The following TMEM26 variants were observed in gnomAD, a reference collection of about 807,000 sequenced individuals.
TMEM26 encodes the protein transmembrane protein 26.
A neutral mutation model predicts 28.8 loss-of-function variants in TMEM26; 38 were observed. That is an observed-to-expected ratio of 1.32 (90% CI 1.02 to 1.73). The LOEUF is 1.73. Among genes scored for constraint, TMEM26 ranks in the 40% most tolerant of loss-of-function variants. The pLI is 0.00. For synonymous variants in TMEM26, 227 were observed against 182.9 expected, an observed-to-expected ratio of 1.24 and a Z score of -1.95; for missense variants, 518 against 447.1, an observed-to-expected ratio of 1.16 and a Z score of -1.43.
intron 1 of TMEM26, among the ~76,000 whole-genome samples, chr10:61,445,275 TATTTCAGGTAG>T (rs2135334027): frequency 6.6e-6 from 1 of 152,356 alleles, no homozygotes; most frequent in Non-Finnish European, 1.5e-5. Context: ...ATTTTGAGGC[TATTTCAGGTAG>T]ATTAAAATGT....
chr10:61,432,883 G>A (rs908247651), intron 2 of TMEM26, among the ~76,000 whole-genome samples: 3 of 152,008 alleles, frequency 2.0e-5, no homozygotes, highest in Admixed American at 2.0e-4. Flanking sequence ...TGCACACTTT[G>A]TGTGTGTGTA....
intron 4 of TMEM26, among the ~76,000 whole-genome samples, chr10:61,426,830 G>C (rs1839841054): frequency 6.6e-6 from 1 of 152,020 alleles, no homozygotes. Context: ...AAGGATTAAG[G>C]GTCTCCTTCT....
intron 4 of TMEM26, among the ~76,000 whole-genome samples, chr10:61,428,376 A>T (rs1253260332): frequency 6.6e-6 from 1 of 152,164 alleles, no homozygotes; most frequent in Non-Finnish European, 1.5e-5. Flanking sequence ...GCCTGTGGGC[A>T]CTTTGAACAA....
chr10:61,423,046 A>G (rs915314949), intron 4 of TMEM26, among the ~76,000 whole-genome samples: 1 of 152,166 alleles, frequency 6.6e-6, no homozygotes. Context: ...AGAAATTAAC[A>G]CATGTATAGT....
At chr10:61,412,436 T>C (rs1839582296) in intron 5 of TMEM26, among the ~76,000 whole-genome samples, 1 of 152,168 alleles carries the variant, frequency 6.6e-6, no homozygotes, top group African/African-American at 2.4e-5. Context: ...CCAAAAAAGA[T>C]GGAGAAAAAG....
At chr10:61,413,593 G>A (rs1332471096) in intron 4 of TMEM26, 58 bp from the exon 5 acceptor site, 2 of 1,513,260 alleles carry the variant, frequency 1.3e-6, no homozygotes, top group African/African-American at 2.8e-5. Context: ...ATGCAGAAAA[G>A]TCTTCTCAGT....
intron 2 of TMEM26, among the ~76,000 whole-genome samples, chr10:61,435,566 CT>C (rs1227416039): frequency 6.6e-6 from 1 of 152,192 alleles, no homozygotes; most frequent in African/African-American, 2.4e-5. Flanking sequence ...GACTCCTCCC[CT>C]TTAATCTTAG....
chr10:61,412,234 C>T (rs1839579341), intron 5 of TMEM26, among the ~76,000 whole-genome samples: 1 of 151,832 alleles, frequency 6.6e-6, no homozygotes, highest in African/African-American at 2.4e-5. Flanking sequence ...TTCCAGGGCA[C>T]ATTATGACAA....
chr10:61,436,499 A>G (rs961758253), intron 1 of TMEM26, among the ~76,000 whole-genome samples: 1 of 152,264 alleles, frequency 6.6e-6, no homozygotes, highest in Admixed American at 6.5e-5. Flanking sequence ...TTTCTAATCC[A>G]ATTAATAGAC....
At chr10:61,418,546 T>C (rs1280932154) in intron 4 of TMEM26, among the ~76,000 whole-genome samples, 1 of 152,030 alleles carries the variant, frequency 6.6e-6, no homozygotes, top group Non-Finnish European at 1.5e-5. Flanking sequence ...AAAAACCCTG[T>C]CTAAGTTGAT....
At chr10:61,413,316 A>G (rs1839598165) in intron 5 of TMEM26, 143 bp downstream of exon 5, 4 of 1,401,468 alleles carry the variant, frequency 2.9e-6, no homozygotes, top group East Asian at 5.1e-5. Context: ...CTAAGTTTCA[A>G]TCTACTTTCC....
At chr10:61,425,749 C>T (rs1395520361) in intron 4 of TMEM26, among the ~76,000 whole-genome samples, 1 of 152,124 alleles carries the variant, frequency 6.6e-6, no homozygotes, top group Non-Finnish European at 1.5e-5. Flanking sequence ...TACCACTCTA[C>T]ATCCATCAGA....
Position 61,452,936 on chromosome 10 carries a change from T to C in TMEM26, c.146A>G (p.Glu49Gly), listed in dbSNP as rs769391233. The part of the protein sequence containing the change: ...LALLNLLLFL[E>G]TALTLKFKRG... ...CTTGAACTTGAGGGTGAGCGCAGTC[T>C]CCAGGAAGAGCAAGAGGTTGAGCAG... Residue 49 changes from glutamate to glycine, a missense_variant, in exon 1 of 6, where the codon GAG becomes GGG. Physicochemically the swap from Glu to Gly is moderately conservative, Grantham distance 98. Coordinates refer to ENST00000399298, the MANE Select transcript of TMEM26 (RefSeq NM_178505.8). The C allele has an allele frequency of 7.4e-6, 12 of 1,613,884 alleles. No homozygotes were observed. The highest frequency in any genetic ancestry group is 8.5e-7 in the Non-Finnish European group (1 of 1,180,002).
chr10:61,408,190 T>C lies in TMEM26; in HGVS notation c.*2132A>G, dbSNP rs1471307902. On this transcript the variant is annotated 3_prime_UTR_variant, in exon 6 of 6. Transcript: ENST00000399298. ...GAAAACCTTGCAGAAGCTGGGTCTATTTTTGCCGCTATTAATTGCCAAGAT... is the reference window on the plus strand; with the variant it reads ...GAAAACCTTGCAGAAGCTGGGTCTACTTTTGCCGCTATTAATTGCCAAGAT... 1 of 152,198 alleles carries C rather than the reference T, an allele frequency of 6.6e-6. No individual in the cohort carries two copies. Among genetic ancestry groups the C allele is most frequent in the Non-Finnish European group, 1.5e-5 (1 of 68,032 alleles). 9.4% of individuals were successfully genotyped at this position (152,198 alleles called of 1,614,324 possible).
rs74157953 is a variant in TMEM26, at chr10:61,412,160, C to G, written c.682+1299G>C. On this transcript the variant is annotated intron_variant, in intron 5 of 5. Coordinates refer to ENST00000399298, the MANE Select transcript of TMEM26 (RefSeq NM_178505.8). ...CCTTCTAAAGGTATTAATTCAGTAT[C>G]TAATGTGATGGCACCTAATATTCTG... Among the ~76,000 whole-genome samples the G allele has an allele frequency of 8.0e-3, 1,224 of 152,214 alleles. 19 individuals carry two copies. The highest frequency in any genetic ancestry group is 0.028 in the African/African-American group (1,165 of 41,532).
At chr10:61,436,823 G>A (rs1840016072) in intron 1 of TMEM26, among the ~76,000 whole-genome samples, 1 of 152,028 alleles carries the variant, frequency 6.6e-6, no homozygotes, top group East Asian at 1.9e-4. Flanking sequence ...GTAAGCCTTT[G>A]GTATTTTTTT....
intron 4 of TMEM26, among the ~76,000 whole-genome samples, chr10:61,428,657 T>C (rs1839870332): frequency 6.6e-6 from 1 of 152,130 alleles, no homozygotes; most frequent in African/African-American, 2.4e-5. Flanking sequence ...CCTGTGGTCA[T>C]GAAAACATGC....
chr10:61,410,551 T>A lies in TMEM26; in HGVS notation c.878A>T (p.Asn293Ile). The A allele has an allele frequency of 6.2e-7, 1 of 1,614,030 alleles. No homozygotes were observed. ...NQMLVFFAAKNFLVVVLQLYR... is the reference protein window; with the variant it reads ...NQMLVFFAAKIFLVVVLQLYR... Reference sequence around the variant, plus strand: ...GAGTTGCAACACCACCACGAGGAAGTTCTTCGCGGCAAAGAACACCAGCAT... The same window carrying A: ...GAGTTGCAACACCACCACGAGGAAGATCTTCGCGGCAAAGAACACCAGCAT... Residue 293 changes from asparagine (N) to isoleucine (I), a missense_variant, in exon 6 of 6, where the codon AAC (asparagine) becomes ATC (isoleucine). Coordinates refer to ENST00000399298, the MANE Select transcript of TMEM26 (RefSeq NM_178505.8).
intron 4 of TMEM26, among the ~76,000 whole-genome samples, chr10:61,427,778 A>T (rs1168658151): frequency 6.6e-6 from 1 of 152,068 alleles, no homozygotes; most frequent in Non-Finnish European, 1.5e-5. Flanking sequence ...TTCTATTGTG[A>T]TGTCCCTGTC....
Sources: allele counts gnomAD v4.1 joint callset (sites outside exome capture counted in the v4.1 genomes callset), GRCh38; gene constraint gnomAD v4.1.1; transcripts MANE v1.5; gene names NCBI Gene and HGNC (gene_info 2026-07-23, HGNC 2026-07-21).